COA5: variants seen among roughly 807,000 people sequenced by gnomAD.
COA5 encodes cytochrome c oxidase assembly factor 5.
In COA5, 11 loss-of-function variants were observed where a neutral mutation model predicts 11.8. That is an observed-to-expected ratio of 0.93 (90% CI 0.59 to 1.54). The LOEUF (loss-of-function observed/expected upper bound fraction) is 1.54. Among genes scored for constraint, COA5 ranks in the 40% most tolerant of loss-of-function variants. The probability of loss-of-function intolerance (pLI) is 0.00; values close to 1 mark genes in which losing one functional copy is unlikely to be tolerated. For synonymous variants in COA5, 38 were observed against 37.5 expected, an observed-to-expected ratio of 1.01 and a Z score of -0.05; for missense variants, 87 against 89.2, an observed-to-expected ratio of 0.97 and a Z score of 0.10.
Position 98,604,091 on chromosome 2 carries a change from A to G in COA5, c.183+17T>C, listed in dbSNP as rs1462991149. On this transcript the variant is annotated intron_variant, in intron 2 of 2. Coordinates refer to ENST00000328709, the MANE Select transcript of COA5 (RefSeq NM_001008215.3). ...CTAATTTTTAGCATAGGCTTTTAAA[A>G]ATCTTTAACCACTTACCACTGATCT... is the stretch of plus-strand genomic sequence containing the variant. The G allele has an allele frequency of 3.1e-6, 5 of 1,599,564 alleles. No individual in the cohort carries two copies. The African/African-American group carries it at 5.4e-5, about 17-fold the overall frequency.
intron 2 of COA5, chr2:98,602,767 G>A (rs1361632185): frequency 1.3e-5 from 2 of 153,942 alleles, no homozygotes; most frequent in African/African-American, 4.8e-5. Context: ...ATGTAAGATT[G>A]TTAAAAATTT....
At chr2:98,601,682 G>A (rs971933769) in intron 2 of COA5, among the ~76,000 whole-genome samples, 6 of 152,174 alleles carry the variant, frequency 3.9e-5, no homozygotes, top group African/African-American at 1.2e-4. Context: ...CCATGGCCTG[G>A]CAGGAAGCAG....
chr2:98,602,365 G>A (rs1190787854), intron 2 of COA5: 1 of 152,200 alleles, frequency 6.6e-6, no homozygotes, highest in African/African-American at 2.4e-5. Context: ...TTATAAAAAG[G>A]TCCCTAAGCT....
Position 98,599,758 on chromosome 2 carries a change from A to C in COA5, c.*994T>G, listed in dbSNP as rs959123793. ...ATCAGAATAAAATTACTGTAAGGCTAATCTTCAACCACTTCATGGTTTTCA... is the reference window on the plus strand; with the variant it reads ...ATCAGAATAAAATTACTGTAAGGCTCATCTTCAACCACTTCATGGTTTTCA... On this transcript the variant is annotated 3_prime_UTR_variant, in exon 3 of 3. Coordinates refer to ENST00000328709, the MANE Select transcript of COA5 (RefSeq NM_001008215.3). 1.1e-4 allele frequency: 16 copies of C among 152,362 alleles called. 1 individual carries two copies. Among genetic ancestry groups the C allele is most frequent in the African/African-American group, 3.8e-4 (16 of 41,594 alleles). 9.4% of individuals were successfully genotyped at this position (152,362 alleles called of 1,614,324 possible).
At chr2:98,603,698 C>T (rs1266017241) in intron 2 of COA5, among the ~76,000 whole-genome samples, 1 of 152,126 alleles carries the variant, frequency 6.6e-6, no homozygotes, top group Non-Finnish European at 1.5e-5. Context: ...TCCATCCCTC[C>T]AAAATTCAAA....
chr2:98,599,731 TG>T lies in COA5; in HGVS notation c.*1020del, dbSNP rs1343857099. The T allele has an allele frequency of 6.6e-6, 1 of 152,248 alleles. No individual in the cohort carries two copies. Among genetic ancestry groups the T allele is most frequent in the Non-Finnish European group, 1.5e-5 (1 of 68,044 alleles). The allele number at this position is 152,248 out of a possible 1,614,324, so 9.4% of individuals were successfully genotyped here. ...TCCTGTTTGACTCTACTGTATTAAG[TG>T]ATCAGAATAAAATTACTGTAAGGCT... is the stretch of plus-strand genomic sequence containing the variant. On this transcript the variant is annotated 3_prime_UTR_variant, in exon 3 of 3. Transcript: ENST00000328709.
intron 1 of COA5, among the ~76,000 whole-genome samples, chr2:98,606,792 T>C (rs1035138679): frequency 6.6e-6 from 1 of 152,194 alleles, no homozygotes; most frequent in Non-Finnish European, 1.5e-5. Flanking sequence ...TCCAGTCTCC[T>C]CACTCTGACA....
At chr2:98,603,242 G>A (rs1700667452) in intron 2 of COA5, among the ~76,000 whole-genome samples, 1 of 152,160 alleles carries the variant, frequency 6.6e-6, no homozygotes, top group African/African-American at 2.4e-5. Context: ...ACTTTGGGAA[G>A]CCGAGGCAGG....
In COA5 at chr2:98,608,295, C is replaced by G; in HGVS notation, c.99+12G>C. 6.3e-7 allele frequency: 1 copy of G among 1,578,668 alleles called. No homozygotes were observed. The highest frequency in any genetic ancestry group is 8.6e-7 in the Non-Finnish European group (1 of 1,162,312). The stretch of plus-strand genomic sequence containing the variant: ...AGGGGTCGTCACCACCGGGAGCGCC[C>G]GGCCGCGCTACCTGGACCACACAGT... On this transcript the variant is annotated intron_variant, in intron 1 of 2. Coordinates refer to ENST00000328709, the MANE Select transcript of COA5 (RefSeq NM_001008215.3).
In COA5 at chr2:98,604,750, G is replaced by A. The variant is rs149090305; in HGVS notation, c.100-559C>T. ...CCTTTATGTTGCAAGTGCCAGGCACGCTCTGCCAGTTTTTCCTATGAAAAG... is the reference window on the plus strand; with the variant it reads ...CCTTTATGTTGCAAGTGCCAGGCACACTCTGCCAGTTTTTCCTATGAAAAG... On this transcript the variant is annotated intron_variant, in intron 1 of 2. Coordinates refer to ENST00000328709, the MANE Select transcript of COA5 (RefSeq NM_001008215.3). 3.5e-4 allele frequency: 55 copies of A among 155,172 alleles called. 1 individual carries two copies. In the East Asian group the frequency reaches 4.0e-3, roughly 11 times the overall value. The allele number at this position is 155,172 out of a possible 1,614,324, so 9.6% of individuals were successfully genotyped here.
At position 98,608,449 on chromosome 2, in the gene COA5, C is replaced by T. The variant is rs761766051; in HGVS notation, c.-44G>A. ...ATGCGGACGCGACTTTCTCCCACCG[C>T]AACACTTGCAACCGGGTCGGGAGCG... On this transcript the variant is annotated 5_prime_UTR_variant, in exon 1 of 3. Coordinates refer to ENST00000328709, the MANE Select transcript of COA5 (RefSeq NM_001008215.3). 2 of 1,418,322 alleles carry T rather than the reference C, an allele frequency of 1.4e-6. No homozygotes were observed. The highest frequency in any genetic ancestry group is 1.9e-6 in the Non-Finnish European group (2 of 1,029,710). 87.9% of individuals were successfully genotyped at this position (1,418,322 alleles called of 1,614,324 possible).
At position 98,607,429 on chromosome 2, in the gene COA5, G is replaced by A. The variant is rs149405880; in HGVS notation, c.99+878C>T. ...AGTTTTACTAGACATTGGGAGGCGA[G>A]AATGGCTGACTGCTAAAATCAGTGA... On this transcript the variant is annotated intron_variant, in intron 1 of 2. Transcript: ENST00000328709. Among the ~76,000 whole-genome samples, 253 of 152,344 alleles carry A rather than the reference G, an allele frequency of 1.7e-3. 1 individual carries two copies. The highest frequency in any genetic ancestry group is 5.7e-3 in the African/African-American group (238 of 41,574).
rs1700628671 is a variant in COA5 at position 98,600,641 on chromosome 2, C to G, written c.*111G>C. The G allele has an allele frequency of 2.2e-6, 2 of 894,964 alleles. No individual in the cohort carries two copies. The highest frequency in any genetic ancestry group is 2.6e-5 in the East Asian group (1 of 37,994). 55.4% of individuals were successfully genotyped at this position (894,964 alleles called of 1,614,324 possible). The stretch of plus-strand genomic sequence containing the variant: ...CTTCAGTGTTCCACGGAGGGGAAAT[C>G]TGGTCCAACCAAACAGATGTAGTAA... On this transcript the variant is annotated 3_prime_UTR_variant, in exon 3 of 3. Transcript: ENST00000328709.
chr2:98,608,496 G>A lies in COA5; in HGVS notation c.-91C>T, dbSNP rs964323175. The A allele has an allele frequency of 4.9e-6, 5 of 1,028,298 alleles. No homozygotes were observed. Among genetic ancestry groups the A allele is most frequent in the Middle Eastern group, 2.0e-4 (1 of 5,060 alleles). The allele number at this position is 1,028,298 out of a possible 1,614,324, so 63.7% of individuals were successfully genotyped here. On this transcript the variant is annotated 5_prime_UTR_variant, in exon 1 of 3. Transcript: ENST00000328709. ...AGCGAGCGAGGCCCCAGTCTCAGGG[G>A]ACCGGAAGCCAGCGGCAACAACTTC... is the stretch of plus-strand genomic sequence containing the variant.
chr2:98,600,814 A>G (rs1244257641), intron 2 of COA5, 21 bp from the exon 3 acceptor site: 2 of 1,506,974 alleles, frequency 1.3e-6, no homozygotes, highest in Non-Finnish European at 1.8e-6. Context: ...ATATACAATT[A>G]AATCAAATTT....
chr2:98,605,330 G>T (rs892040565), intron 1 of COA5, among the ~76,000 whole-genome samples: 2 of 152,176 alleles, frequency 1.3e-5, no homozygotes, highest in African/African-American at 4.8e-5. Flanking sequence ...AAAGAGGCTT[G>T]CCCCTTTCCT....
rs1700738198 is a variant in COA5, at chr2:98,608,218, C to T, written c.99+89G>A. On this transcript the variant is annotated intron_variant, in intron 1 of 2. Coordinates refer to ENST00000328709, the MANE Select transcript of COA5 (RefSeq NM_001008215.3). ...CTACGCCCGGGATGGTTAACTCCAA[C>T]CGCCGCCGCGGGCGACCCGCTGCCC... The T allele has an allele frequency of 8.0e-6, 8 of 996,246 alleles. No homozygotes were observed. The South Asian group carries it at 9.6e-5, about 12-fold the overall frequency. The allele number at this position is 996,246 out of a possible 1,614,324, so 61.7% of individuals were successfully genotyped here. A position where few individuals can be genotyped will look rare whatever the true frequency, so the allele number is the denominator to read the frequency against.
rs956679075 is a variant in COA5, at chr2:98,608,483, C to A, written c.-78G>T. On this transcript the variant is annotated 5_prime_UTR_variant, in exon 1 of 3. Coordinates refer to ENST00000328709, the MANE Select transcript of COA5 (RefSeq NM_001008215.3). ...CAACCGGGTCGGGAGCGAGCGAGGCCCCAGTCTCAGGGGACCGGAAGCCAG... is the reference window on the plus strand; with the variant it reads ...CAACCGGGTCGGGAGCGAGCGAGGCACCAGTCTCAGGGGACCGGAAGCCAG... The A allele has an allele frequency of 8.5e-7, 1 of 1,180,752 alleles. No homozygotes were observed. The highest frequency in any genetic ancestry group is 1.5e-5 in the African/African-American group (1 of 66,274). The allele number at this position is 1,180,752 out of a possible 1,614,324, so 73.1% of individuals were successfully genotyped here. A position where few individuals can be genotyped will look rare whatever the true frequency, so the allele number is the denominator to read the frequency against.
At position 98,600,639 on chromosome 2, in the gene COA5, A is replaced by G; in HGVS notation, c.*113T>C. On this transcript the variant is annotated 3_prime_UTR_variant, in exon 3 of 3. Coordinates refer to ENST00000328709, the MANE Select transcript of COA5 (RefSeq NM_001008215.3). ...TTCTTCAGTGTTCCACGGAGGGGAA[A>G]TCTGGTCCAACCAAACAGATGTAGT... 1.7e-5 allele frequency: 15 copies of G among 879,846 alleles called. No homozygotes were observed. In the South Asian group the frequency reaches 2.1e-4, roughly 12 times the overall value. 54.5% of individuals were successfully genotyped at this position (879,846 alleles called of 1,614,324 possible).
Sources: allele counts gnomAD v4.1 joint callset (sites outside exome capture counted in the v4.1 genomes callset), GRCh38; gene constraint gnomAD v4.1.1; transcripts MANE v1.5; gene names NCBI Gene and HGNC (gene_info 2026-07-23, HGNC 2026-07-21).